ADAMTS5: variants seen among roughly 807,000 people sequenced by gnomAD.
ADAMTS5 encodes A disintegrin and metalloproteinase with thrombospondin motifs 5.
In ADAMTS5, 54 loss-of-function variants were observed where a neutral mutation model predicts 81.4. That is an observed-to-expected ratio of 0.66 (90% CI 0.53 to 0.83). The LOEUF is 0.83. Among genes scored for constraint, ADAMTS5 ranks in the 40% least tolerant of loss-of-function variants. The probability of loss-of-function intolerance (pLI) is 0.00; values close to 1 mark genes in which losing one functional copy is unlikely to be tolerated. For missense variants in ADAMTS5, 1,194 were observed against 1,229.9 expected, an observed-to-expected ratio of 0.97 and a Z score of 0.44; for synonymous variants, 532 against 508.8, an observed-to-expected ratio of 1.05 and a Z score of -0.61.
In ADAMTS5 at chr21:26,943,374, A is replaced by G; in HGVS notation, c.1405+6T>C. The stretch of plus-strand genomic sequence containing the variant: ...CTCAGTCTGTGTTCTCCTAAATGAT[A>G]CATACCATGGCCATCATCCAGGAAT... On this transcript the variant is annotated splice_donor_region_variant and intron_variant, in intron 3 of 7. Coordinates refer to ENST00000284987, the MANE Select transcript of ADAMTS5 (RefSeq NM_007038.5). 6.2e-7 allele frequency: 1 copy of G among 1,610,438 alleles called. No homozygotes were observed.
chr21:26,951,859 C>G (rs1462600764), intron 2 of ADAMTS5, among the ~76,000 whole-genome samples: 2 of 151,746 alleles, frequency 1.3e-5, no homozygotes, highest in Non-Finnish European at 2.9e-5. Context: ...CAAGATCACA[C>G]TGGCTGGAGG....
At chr21:26,930,206 A>G in intron 6 of ADAMTS5, 145 bp from the exon 7 acceptor site, 1 of 758,870 alleles carries the variant, frequency 1.3e-6, no homozygotes, top group Admixed American at 3.1e-5. Flanking sequence ...AAAAAAACAT[A>G]GTTTCCAGAA....
rs1452133209 is a variant in ADAMTS5, at chr21:26,920,357, C to A, written c.*3696G>T. ...CTGCCTATTTCAAGTCCTATAATCA[C>A]CCCATGGGATTCAACAGCAGTAGGA... On this transcript the variant is annotated 3_prime_UTR_variant, in exon 8 of 8. Transcript: ENST00000284987. 1 of 152,070 alleles carries A rather than the reference C, an allele frequency of 6.6e-6. No homozygotes were observed. The allele number at this position is 152,070 out of a possible 1,614,324, so 9.4% of individuals were successfully genotyped here. A position where few individuals can be genotyped will look rare whatever the true frequency, so the allele number is the denominator to read the frequency against.
chr21:26,937,959 G>A (rs1183354386), intron 3 of ADAMTS5, among the ~76,000 whole-genome samples: 1 of 152,118 alleles, frequency 6.6e-6, no homozygotes, highest in Non-Finnish European at 1.5e-5. Context: ...ATAAAGTCAG[G>A]CCAGGTGCGG....
intron 1 of ADAMTS5, 69 bp from the exon 2 acceptor site, chr21:26,954,940 C>T (rs1189523981): frequency 6.4e-7 from 1 of 1,569,444 alleles, no homozygotes; most frequent in Non-Finnish European, 8.7e-7. Context: ...CATAGAGCCA[C>T]TTGCTTACCC....
At chr21:26,949,550 A>C (rs1471909780) in intron 2 of ADAMTS5, among the ~76,000 whole-genome samples, 4 of 152,106 alleles carry the variant, frequency 2.6e-5, no homozygotes, top group African/African-American at 9.7e-5. Context: ...AAAAGAAAAA[A>C]AATCACTCAG....
rs770735359 is a variant in ADAMTS5 at position 26,924,423 on chromosome 21, T to C, written c.2423A>G (p.Tyr808Cys). The C allele has an allele frequency of 1.2e-6, 2 of 1,614,208 alleles. No homozygotes were observed. Among genetic ancestry groups the C allele is most frequent in the Non-Finnish European group, 8.5e-7 (1 of 1,180,008 alleles). ...IIDINGTVMN[Y>C]SGWSHRDDFL... ...GTCATCCCTGTGGCTCCAACCGCTA[T>C]AGTTCATGACTGTTCCATTGATGTC... Residue 808 changes from tyrosine (Y) to cysteine (C), a missense_variant, in exon 8 of 8, where the codon TAT (tyrosine) becomes TGT (cysteine). Tyr to Cys is a radical substitution (Grantham distance 194, BLOSUM62 -2). Coordinates refer to ENST00000284987, the MANE Select transcript of ADAMTS5 (RefSeq NM_007038.5).
intron 7 of ADAMTS5, among the ~76,000 whole-genome samples, chr21:26,926,619 G>A (rs1986809945): frequency 6.7e-6 from 1 of 149,936 alleles, no homozygotes; most frequent in South Asian, 2.1e-4. Flanking sequence ...GTTGCAGTGA[G>A]CCAAGATGGT....
chr21:26,926,994 G>T (rs1297545629), intron 7 of ADAMTS5, among the ~76,000 whole-genome samples: 1 of 152,068 alleles, frequency 6.6e-6, no homozygotes, highest in Non-Finnish European at 1.5e-5. Flanking sequence ...TTAGTGCCCT[G>T]ATTTTTTAGT....
chr21:26,944,712 C>T (rs201466514), intron 2 of ADAMTS5, among the ~76,000 whole-genome samples: 3 of 152,048 alleles, frequency 2.0e-5, no homozygotes, highest in Admixed American at 6.6e-5. Flanking sequence ...GAATGCCAAA[C>T]GCAGAAAACT....
chr21:26,924,658 G>A, intron 7 of ADAMTS5, 38 bp from the exon 8 acceptor site: 2 of 1,502,184 alleles, frequency 1.3e-6, no homozygotes, highest in South Asian at 1.3e-5. Flanking sequence ...GGGGGAAGGT[G>A]GTTAAAAAAA....
intron 2 of ADAMTS5, among the ~76,000 whole-genome samples, chr21:26,952,378 T>C (rs1987336448): frequency 6.6e-6 from 1 of 152,202 alleles, no homozygotes; most frequent in Non-Finnish European, 1.5e-5. Context: ...AGTTTTAATA[T>C]AACGTTTGTG....
intron 7 of ADAMTS5, among the ~76,000 whole-genome samples, chr21:26,924,986 C>A (rs2123164288): frequency 6.6e-6 from 1 of 152,298 alleles, no homozygotes; most frequent in East Asian, 1.9e-4. Context: ...AAAATGGGAT[C>A]TGTTTAAACA....
chr21:26,958,722 T>TG (rs1223684534), intron 1 of ADAMTS5, among the ~76,000 whole-genome samples: 1 of 152,228 alleles, frequency 6.6e-6, no homozygotes, highest in Non-Finnish European at 1.5e-5. Context: ...AAATAAGATC[T>TG]GATCCTGAGC....
chr21:26,919,316 G>C lies in ADAMTS5; in HGVS notation c.*4737C>G, dbSNP rs1025060128. 2.3e-4 allele frequency: 35 copies of C among 151,592 alleles called. No individual in the cohort carries two copies. Among genetic ancestry groups the C allele is most frequent in the African/African-American group, 7.7e-4 (32 of 41,358 alleles). 9.4% of individuals were successfully genotyped at this position (151,592 alleles called of 1,614,324 possible). A position where few individuals can be genotyped will look rare whatever the true frequency, so the allele number is the denominator to read the frequency against. On this transcript the variant is annotated 3_prime_UTR_variant, in exon 8 of 8. Coordinates refer to ENST00000284987, the MANE Select transcript of ADAMTS5 (RefSeq NM_007038.5). ...ATGTAGCAGTACCTTACAGGATGAG[G>C]GGCCACTGCTCGTTTTTTCCATTTG... is the stretch of plus-strand genomic sequence containing the variant.
At position 26,966,524 on chromosome 21, in the gene ADAMTS5, A is replaced by G. The variant is rs2123216601; in HGVS notation, c.-133T>C. The G allele has an allele frequency of 5.0e-6, 4 of 800,796 alleles. No homozygotes were observed. The highest frequency in any genetic ancestry group is 6.8e-6 in the Non-Finnish European group (4 of 590,046). The allele number at this position is 800,796 out of a possible 1,614,324, so 49.6% of individuals were successfully genotyped here. A position where few individuals can be genotyped will look rare whatever the true frequency, so the allele number is the denominator to read the frequency against. Reference sequence around the variant, plus strand: ...CAGGATTGAGTCAAGTGTCGGAGGGAGGGGGGCCCGGCAGCAGCGCCAGCC... The same window carrying G: ...CAGGATTGAGTCAAGTGTCGGAGGGGGGGGGGCCCGGCAGCAGCGCCAGCC... On this transcript the variant is annotated 5_prime_UTR_variant, in exon 1 of 8. Transcript: ENST00000284987.
At chr21:26,940,754 G>C (rs1255184875) in intron 3 of ADAMTS5, among the ~76,000 whole-genome samples, 1 of 152,080 alleles carries the variant, frequency 6.6e-6, no homozygotes, top group African/African-American at 2.4e-5. Context: ...TTCTAACAAA[G>C]ATGCATCTTT....
At position 26,918,422 on chromosome 21, in the gene ADAMTS5, A is replaced by C. The variant is rs1986622437; in HGVS notation, c.*5631T>G. On this transcript the variant is annotated 3_prime_UTR_variant, in exon 8 of 8. Transcript: ENST00000284987. The stretch of plus-strand genomic sequence containing the variant: ...ACTCTAATATAGAAACCAAATATTT[A>C]TGCAATTGCTTCTATCAAATGCAAC... 1 of 152,242 alleles carries C rather than the reference A, an allele frequency of 6.6e-6. No individual in the cohort carries two copies. Among genetic ancestry groups the C allele is most frequent in the African/African-American group, 2.4e-5 (1 of 41,442 alleles). The allele number at this position is 152,242 out of a possible 1,614,324, so 9.4% of individuals were successfully genotyped here. A position where few individuals can be genotyped will look rare whatever the true frequency, so the allele number is the denominator to read the frequency against.
chr21:26,928,691 TTCTC>T lies in ADAMTS5; in HGVS notation c.2225+1191_2225+1194del, dbSNP rs201187214. On this transcript the variant is annotated intron_variant, in intron 7 of 7. Transcript: ENST00000284987. ...TCTTTCTTTCTTTCTTTTTCTTTCT[TTCTC>T]TCTCTCTCTTTCTTTCTTTCTCTCT... 2.4e-3 allele frequency among the ~76,000 whole-genome samples: 370 copies of T among 151,356 alleles called. 2 individuals are homozygous for T. The highest frequency in any genetic ancestry group is 6.7e-3 in the African/African-American group (274 of 41,190).
Sources: gnomAD v4.1 joint callset for allele counts (sites outside exome capture counted in the v4.1 genomes callset) on GRCh38, gnomAD v4.1.1 for gene constraint, MANE v1.5 for transcripts, NCBI Gene and HGNC (gene_info 2026-07-23, HGNC 2026-07-21) for gene names.